Variants in RILPL1 observed in about 807,000 individuals in gnomAD.
RILPL1 encodes RILP-like protein 1.
Under a neutral mutation model 50.3 loss-of-function variants are expected in RILPL1, and 33 were observed. The observed-to-expected ratio is 0.66, with a 90% CI of 0.50 to 0.88. The LOEUF (loss-of-function observed/expected upper bound fraction) is 0.88, where lower values mean the gene tolerates loss of function less well. RILPL1 is among the 40% of genes least tolerant of loss of function. RILPL1 has a pLI of 0.00. For missense variants in RILPL1, 418 were observed against 542.5 expected (o/e 0.77, Z 2.28); for synonymous variants, 205 against 228.6 (o/e 0.90, Z 0.93).
chr12:123,523,290 C>G (rs906214329), intron 2 of RILPL1, among the ~76,000 whole-genome samples: 6 of 152,164 alleles, frequency 3.9e-5, no homozygotes, highest in African/African-American at 1.4e-4. Context: ...GCTGAAAGGA[C>G]CTCTGTGTTA....
intron 2 of RILPL1, among the ~76,000 whole-genome samples, chr12:123,505,449 C>T (rs75906737): frequency 6.6e-6 from 1 of 151,854 alleles, no homozygotes; most frequent in Non-Finnish European, 1.5e-5. Context: ...TCAGCCTCCC[C>T]AGGACCTGGG....
intron 2 of RILPL1, among the ~76,000 whole-genome samples, chr12:123,518,785 G>A (rs113971010): frequency 0.03 from 4,627 of 152,036 alleles, 116 homozygotes; most frequent in Admixed American, 0.06. Flanking sequence ...CTGGCCGGGC[G>A]CGGTGGCTCA....
rs534682229 is a variant in RILPL1, at chr12:123,490,304, A to G, written c.802-4499T>C. ...CCTCTGGGCAAAGCCACCCGCCCCT[A>G]TGTCTGGGCTTTCATCTCCCCATCT... On this transcript the variant is annotated intron_variant, in intron 4 of 6. Transcript: ENST00000376874. 1.3e-4 allele frequency among the ~76,000 whole-genome samples: 20 copies of G among 152,152 alleles called. No homozygotes were observed. The East Asian group carries it at 2.1e-3, about 16-fold the overall frequency.
Position 123,498,825 on chromosome 12 carries a change from C to A in RILPL1, c.580-60G>T. ...CACCTGCGGTAGCTCAGGTTGTACA[C>A]TGCACAACGGCAAACCATCCATAGG... On this transcript the variant is annotated intron_variant, in intron 3 of 6. Transcript: ENST00000376874. This position sits in a 1 kb window ranked among gnomAD's most constrained non-coding sequence, Gnocchi z 4.3. 1 of 1,499,298 alleles carries A rather than the reference C, an allele frequency of 6.7e-7. No homozygotes were observed. The highest frequency in any genetic ancestry group is 1.1e-5 in the South Asian group (1 of 88,780). 92.9% of individuals were successfully genotyped at this position (1,499,298 alleles called of 1,614,324 possible).
rs1291806965 is a variant in RILPL1 at position 123,472,740 on chromosome 12, G to GT, written c.1068-59dup. The GT allele has an allele frequency of 1.5e-5, 24 of 1,555,748 alleles. No individual in the cohort carries two copies. The East Asian group carries it at 1.9e-4, about 12-fold the overall frequency. On this transcript the variant is annotated intron_variant, in intron 6 of 6. Coordinates refer to ENST00000376874, the MANE Select transcript of RILPL1 (RefSeq NM_178314.5). ...GCTGACCCTTTGCTGTGCAAGTCACGTTTTTTGCAATGCCGGAGACATATA... is the reference window on the plus strand; with the variant it reads ...GCTGACCCTTTGCTGTGCAAGTCACGTTTTTTTGCAATGCCGGAGACATATA...
chr12:123,513,368 C>A, intron 2 of RILPL1: 1 of 393,768 alleles, frequency 2.5e-6, no homozygotes, highest in Non-Finnish European at 5.3e-6. Context: ...TCATTTACTC[C>A]TTGCTGGGGC....
In RILPL1 at chr12:123,471,228, G is replaced by A. The variant is rs1881176713; in HGVS notation, c.*1310C>T. ...TGGGATTATAGGCATGCACCACCTC[G>A]CCTGGCTAATTTTTTTGTATTTTTG... On this transcript the variant is annotated 3_prime_UTR_variant, in exon 7 of 7. Transcript: ENST00000376874. 6.6e-6 allele frequency: 1 copy of A among 151,902 alleles called. No individual in the cohort carries two copies. The highest frequency in any genetic ancestry group is 2.4e-5 in the African/African-American group (1 of 41,342). 9.4% of individuals were successfully genotyped at this position (151,902 alleles called of 1,614,324 possible).
At chr12:123,502,531 G>A (rs1426272672) in intron 2 of RILPL1, among the ~76,000 whole-genome samples, 3 of 152,238 alleles carry the variant, frequency 2.0e-5, no homozygotes, top group African/African-American at 7.2e-5. Flanking sequence ...CCTGAAGATG[G>A]TGCCTGGCAC....
At chr12:123,527,503 G>A (rs903852517) in intron 1 of RILPL1, among the ~76,000 whole-genome samples, 1 of 152,074 alleles carries the variant, frequency 6.6e-6, no homozygotes, top group African/African-American at 2.4e-5. Context: ...TGGGCATGGT[G>A]GCGTGCACCT....
chr12:123,488,644 G>A (rs1376554399), intron 4 of RILPL1, among the ~76,000 whole-genome samples: 14 of 152,188 alleles, frequency 9.2e-5, no homozygotes, highest in Non-Finnish European at 1.5e-5. Flanking sequence ...AACACCCACT[G>A]CTGGGGCACG....
chr12:123,503,593 T>C (rs990336966), intron 2 of RILPL1, among the ~76,000 whole-genome samples: 4 of 152,100 alleles, frequency 2.6e-5, no homozygotes, highest in Non-Finnish European at 5.9e-5. Context: ...TCTGCCTCTG[T>C]GGTCCCGTGG....
At chr12:123,484,650 CTTTTT>C (rs61080090) in intron 5 of RILPL1, among the ~76,000 whole-genome samples, 1 of 110,140 alleles carries the variant, frequency 9.1e-6, no homozygotes. Context: ...ACTCTCCCAT[CTTTTT>C]TTTTTTTTTT....
chr12:123,497,086 T>C (rs1883077241), intron 4 of RILPL1, among the ~76,000 whole-genome samples: 2 of 152,258 alleles, frequency 1.3e-5, no homozygotes, highest in Non-Finnish European at 2.9e-5. Flanking sequence ...CGTGATGTTT[T>C]TGCAGCTCAT....
At position 123,533,148 on chromosome 12, in the gene RILPL1, A is replaced by T; in HGVS notation, c.309+26T>A. The T allele has an allele frequency of 6.6e-7, 1 of 1,507,778 alleles. No homozygotes were observed. The allele number at this position is 1,507,778 out of a possible 1,614,324, so 93.4% of individuals were successfully genotyped here. Reference sequence around the variant, plus strand: ...GGGTCCCCGCGGTCCCACTGCCCGGACGGACAGACCGAGGCCGCCGCCCAC... The same window carrying T: ...GGGTCCCCGCGGTCCCACTGCCCGGTCGGACAGACCGAGGCCGCCGCCCAC... On this transcript the variant is annotated intron_variant, in intron 1 of 6. Coordinates refer to ENST00000376874, the MANE Select transcript of RILPL1 (RefSeq NM_178314.5). The surrounding 1 kb of genome is among the most constrained non-coding windows in gnomAD (Gnocchi z 6.2).
intron 6 of RILPL1, among the ~76,000 whole-genome samples, chr12:123,481,130 G>T (rs1881964573): frequency 6.6e-6 from 1 of 152,168 alleles, no homozygotes; most frequent in South Asian, 2.1e-4. Context: ...GCCGAGGCGG[G>T]TGGATCACCT....
chr12:123,521,552 TGTATATATATTA>T lies in RILPL1; in HGVS notation c.460+1931_460+1942del, dbSNP rs1885006294. 1.6e-4 allele frequency among the ~76,000 whole-genome samples: 8 copies of T among 49,704 alleles called. 1 individual carries two copies. Among genetic ancestry groups the T allele is most frequent in the African/African-American group, 5.4e-4 (7 of 12,928 alleles). The allele number at this position is 49,704 out of a possible 152,430, so 32.6% of individuals were successfully genotyped here. A position where few individuals can be genotyped will look rare whatever the true frequency, so the allele number is the denominator to read the frequency against. ...ATATAAATATATGTATATATATGTG[TGTATATATATTA>T]ATATATATACACACATATGTGTATA... On this transcript the variant is annotated intron_variant, in intron 2 of 6. Transcript: ENST00000376874.
In RILPL1 at chr12:123,485,529, G is replaced by A; in HGVS notation, c.974+104C>T. The A allele has an allele frequency of 1.8e-6, 2 of 1,103,358 alleles. No homozygotes were observed. Among genetic ancestry groups the A allele is most frequent in the Middle Eastern group, 2.0e-4 (1 of 5,018 alleles). 68.3% of individuals were successfully genotyped at this position (1,103,358 alleles called of 1,614,324 possible). The stretch of plus-strand genomic sequence containing the variant: ...AGAGAGGGTACCCAAAAAAAACACT[G>A]ATGAAATGCTTGTCTTCCAGGGGGT... On this transcript the variant is annotated intron_variant, in intron 5 of 6. Transcript: ENST00000376874. This position sits in a 1 kb window ranked among gnomAD's most constrained non-coding sequence, Gnocchi z 4.0.
chr12:123,528,451 G>A lies in RILPL1; in HGVS notation c.309+4723C>T, dbSNP rs181961710. Among the ~76,000 whole-genome samples the A allele has an allele frequency of 6.5e-4, 94 of 144,762 alleles. No individual in the cohort carries two copies. In the East Asian group the frequency reaches 0.014, roughly 21 times the overall value. 95.0% of individuals were successfully genotyped at this position (144,762 alleles called of 152,430 possible). On this transcript the variant is annotated intron_variant, in intron 1 of 6. Transcript: ENST00000376874. Reference sequence around the variant, plus strand: ...GTTGTTTGTTTTTTTTTTTTGAGACGGAGTCTCACTCTGTCACCCAGGCTG... The same window carrying A: ...GTTGTTTGTTTTTTTTTTTTGAGACAGAGTCTCACTCTGTCACCCAGGCTG...
At chr12:123,477,424 C>T (rs745595275) in intron 6 of RILPL1, among the ~76,000 whole-genome samples, 21 of 151,470 alleles carry the variant, frequency 1.4e-4, no homozygotes, top group South Asian at 4.2e-4. Flanking sequence ...CTGCAACCTC[C>T]ACCTCCTGGG....
Sources: gnomAD v4.1 joint callset for allele counts (sites outside exome capture counted in the v4.1 genomes callset) on GRCh38, gnomAD v4.1.1 for gene constraint, Gnocchi (gnomAD v3.1) non-coding constraint, MANE v1.5 for transcripts, NCBI Gene and HGNC (gene_info 2026-07-23, HGNC 2026-07-21) for gene names.